The following ZDHHC20 variants were observed in gnomAD, a reference collection of about 807,000 sequenced individuals.
ZDHHC20 encodes zDHHC palmitoyltransferase 20.
A neutral mutation model predicts 57.8 loss-of-function variants in ZDHHC20; 43 were observed. The ratio of observed to expected loss-of-function variants is 0.74; its 90% CI spans 0.58 to 0.96. ZDHHC20 has a LOEUF of 0.96. ZDHHC20 is among the 40% of genes least tolerant of loss of function. ZDHHC20 has a pLI of 0.00. For synonymous variants in ZDHHC20, 157 were observed against 153.0 expected, an observed-to-expected ratio of 1.03 and a Z score of -0.19; for missense variants, 391 against 441.1, an observed-to-expected ratio of 0.89 and a Z score of 1.02.
intron 1 of ZDHHC20, among the ~76,000 whole-genome samples, chr13:21,452,736 G>A (rs113018107): frequency 5.3e-5 from 8 of 152,244 alleles, no homozygotes; most frequent in African/African-American, 9.6e-5. Context: ...GAAACAGTAC[G>A]TAACTTGAAG....
At chr13:21,390,322 G>C (rs953483580) in intron 8 of ZDHHC20, 12 of 152,154 alleles carry the variant, frequency 7.9e-5, no homozygotes, top group Non-Finnish European at 4.4e-5. Flanking sequence ...TAACATAGCA[G>C]TACTTCTTAC....
intron 6 of ZDHHC20, among the ~76,000 whole-genome samples, chr13:21,400,964 A>G (rs182652614): frequency 6.6e-6 from 1 of 152,218 alleles, no homozygotes; most frequent in African/African-American, 2.4e-5. Flanking sequence ...TTTTAAAACA[A>G]TTAAAACATA....
chr13:21,448,298 C>T (rs1884019994), intron 1 of ZDHHC20, among the ~76,000 whole-genome samples: 4 of 92,584 alleles, frequency 4.3e-5, no homozygotes, highest in South Asian at 3.4e-4. Context: ...CCCGGCCAGC[C>T]GCCCCGTCCG....
In ZDHHC20 at chr13:21,376,511, T is replaced by C. The variant is rs2137597609; in HGVS notation, c.*185A>G. The C allele has an allele frequency of 3.9e-6, 2 of 511,506 alleles. No homozygotes were observed. The highest frequency in any genetic ancestry group is 3.7e-5 in the East Asian group (1 of 27,162). 31.7% of individuals were successfully genotyped at this position (511,506 alleles called of 1,614,324 possible). On this transcript the variant is annotated 3_prime_UTR_variant, in exon 13 of 13. Transcript: ENST00000400590. Reference sequence around the variant, plus strand: ...ATTAAGGCATCATTCTGCTCTGGAGTAGTGCTTCTGTGAATCCCAGGAACT... The same window carrying C: ...ATTAAGGCATCATTCTGCTCTGGAGCAGTGCTTCTGTGAATCCCAGGAACT...
At chr13:21,379,262 A>G (rs946828668) in intron 11 of ZDHHC20, among the ~76,000 whole-genome samples, 3 of 152,132 alleles carry the variant, frequency 2.0e-5, no homozygotes, top group Non-Finnish European at 4.4e-5. Flanking sequence ...AATGGAGCTA[A>G]ATGTCCAGAA....
intron 1 of ZDHHC20, among the ~76,000 whole-genome samples, chr13:21,458,759 G>A (rs1243745719): frequency 6.6e-6 from 1 of 152,200 alleles, no homozygotes; most frequent in Non-Finnish European, 1.5e-5. Flanking sequence ...TTCCCAGAAG[G>A]ATGCAGACCC....
intron 4 of ZDHHC20, among the ~76,000 whole-genome samples, chr13:21,407,120 C>T (rs1040855440): frequency 6.6e-6 from 1 of 152,156 alleles, no homozygotes; most frequent in Non-Finnish European, 1.5e-5. Context: ...TCTTGAGTAG[C>T]TGGGATTACA....
intron 2 of ZDHHC20, 53 bp downstream of exon 2, chr13:21,425,599 C>A: frequency 8.7e-7 from 1 of 1,147,064 alleles, no homozygotes; most frequent in Non-Finnish European, 1.2e-6. Context: ...AAGTATGTTC[C>A]AATTAAAATA....
At chr13:21,377,855 A>G (rs1318321065) in intron 12 of ZDHHC20, 2 of 152,568 alleles carry the variant, frequency 1.3e-5, no homozygotes, top group Admixed American at 6.5e-5. Flanking sequence ...CCTGTTATAC[A>G]GGAACAGGAT....
chr13:21,419,249 T>G (rs546707691), intron 3 of ZDHHC20, among the ~76,000 whole-genome samples: 2 of 152,148 alleles, frequency 1.3e-5, no homozygotes, highest in African/African-American at 4.8e-5. Flanking sequence ...ATTTGACTTA[T>G]AGTTTACTTT....
chr13:21,450,220 T>A (rs997593577), intron 1 of ZDHHC20, among the ~76,000 whole-genome samples: 1 of 152,086 alleles, frequency 6.6e-6, no homozygotes, highest in Admixed American at 6.5e-5. Context: ...AGCAGAGATG[T>A]CAAGTAAACA....
chr13:21,454,523 C>T (rs1268778703), intron 1 of ZDHHC20, among the ~76,000 whole-genome samples: 3 of 152,046 alleles, frequency 2.0e-5, no homozygotes, highest in Non-Finnish European at 4.4e-5. Flanking sequence ...TATAGGACTA[C>T]CTACCTAAGA....
Position 21,412,048 on chromosome 13 carries a change from T to C in ZDHHC20, c.370+1604A>G, listed in dbSNP as rs200410925. Among the ~76,000 whole-genome samples, 8 of 152,314 alleles carry C rather than the reference T, an allele frequency of 5.3e-5. No homozygotes were observed. In the East Asian group the frequency reaches 1.2e-3, roughly 22 times the overall value. The stretch of plus-strand genomic sequence containing the variant: ...GAAGGGCACATGCCAAGGTGAATGA[T>C]GAAGTCTTGATAGTGGCGATTGGAT... On this transcript the variant is annotated intron_variant, in intron 4 of 12. Transcript: ENST00000400590.
intron 1 of ZDHHC20, among the ~76,000 whole-genome samples, chr13:21,449,471 T>C (rs563010155): frequency 1.3e-5 from 2 of 152,154 alleles, no homozygotes; most frequent in South Asian, 2.1e-4. Flanking sequence ...CCTTACATGA[T>C]GACGGGAATG....
chr13:21,434,049 C>T (rs1882284419), intron 1 of ZDHHC20, among the ~76,000 whole-genome samples: 1 of 151,956 alleles, frequency 6.6e-6, no homozygotes, highest in Non-Finnish European at 1.5e-5. Context: ...ACATAAATGA[C>T]TAGTCTGGTA....
chr13:21,417,776 A>G (rs1288579504), intron 3 of ZDHHC20, among the ~76,000 whole-genome samples: 1 of 151,974 alleles, frequency 6.6e-6, no homozygotes, highest in Non-Finnish European at 1.5e-5. Flanking sequence ...ATTCCCCTAG[A>G]CCTAGATCTC....
intron 1 of ZDHHC20, among the ~76,000 whole-genome samples, chr13:21,447,569 C>T (rs1883879394): frequency 6.8e-6 from 1 of 146,730 alleles, no homozygotes; most frequent in South Asian, 2.2e-4. Context: ...CAGAGGGAGT[C>T]TCGTTCACTC....
chr13:21,435,388 C>G (rs182689484), intron 1 of ZDHHC20, among the ~76,000 whole-genome samples: 1 of 151,906 alleles, frequency 6.6e-6, no homozygotes, highest in East Asian at 1.9e-4. Flanking sequence ...ATTCCAGGGG[C>G]AGGAAAAGTA....
rs1004138081 is a variant in ZDHHC20 at position 21,376,667 on chromosome 13, G to C, written c.*41-12C>G. On this transcript the variant is annotated splice_polypyrimidine_tract_variant and intron_variant, in intron 12 of 12. Coordinates refer to ENST00000400590, the MANE Select transcript of ZDHHC20 (RefSeq NM_001330059.2). ...ATGTTTTCATACACCTACAAAAAAA[G>C]AAACAAATTATTGGTTAAAACTTGA... is the stretch of plus-strand genomic sequence containing the variant. 1 of 1,400,452 alleles carries C rather than the reference G, an allele frequency of 7.1e-7. No homozygotes were observed. The highest frequency in any genetic ancestry group is 1.5e-5 in the African/African-American group (1 of 68,184). The allele number at this position is 1,400,452 out of a possible 1,614,324, so 86.8% of individuals were successfully genotyped here.
Sources: gnomAD v4.1 joint callset for allele counts (sites outside exome capture counted in the v4.1 genomes callset) on GRCh38, gnomAD v4.1.1 for gene constraint, MANE v1.5 for transcripts, NCBI Gene and HGNC (gene_info 2026-07-23, HGNC 2026-07-21) for gene names.